The following KIF13A variants were observed in gnomAD, a reference collection of about 807,000 sequenced individuals.
KIF13A encodes kinesin-like protein KIF13A.
In KIF13A, 79 loss-of-function variants were observed where a neutral mutation model predicts 212.2. The observed-to-expected ratio is 0.37, with a 90% CI of 0.31 to 0.45. The LOEUF is 0.45. Ranked by LOEUF, KIF13A falls within the 20% of genes least tolerant of loss-of-function variation. KIF13A has a pLI of 1.00. For synonymous variants in KIF13A, 789 were observed against 808.6 expected, an observed-to-expected ratio of 0.98 and a Z score of 0.41; for missense variants, 1,901 against 2,209.0, an observed-to-expected ratio of 0.86 and a Z score of 2.79.
intron 4 of KIF13A, among the ~76,000 whole-genome samples, chr6:17,862,476 C>T (rs1019758203): frequency 6.6e-6 from 1 of 151,964 alleles, no homozygotes; most frequent in East Asian, 1.9e-4. Context: ...TTCATTTTTG[C>T]AACAATTTTG....
chr6:17,804,362 T>C lies in KIF13A; in HGVS notation c.2453A>G (p.Glu818Gly). 1.3e-6 allele frequency: 2 copies of C among 1,536,200 alleles called. No homozygotes were observed. Among genetic ancestry groups the C allele is most frequent in the African/African-American group, 1.4e-5 (1 of 72,824 alleles). Residue 818 changes from glutamate (E) to glycine (G), a missense_variant and splice_region_variant, in exon 20 of 39, where the codon GAG becomes GGG. Glu to Gly is a moderately conservative substitution (Grantham distance 98, BLOSUM62 -2). This residue lies in a region of KIF13A where 534 missense variants were observed against 536.9 expected (regional missense o/e 0.99). Coordinates refer to ENST00000259711, the MANE Select transcript of KIF13A (RefSeq NM_022113.6). The stretch of plus-strand genomic sequence containing the variant: ...TCTCCAAGGCTGGCCTGTGCTTACC[T>C]CCCCCTGCTGGCTGATGATAGGGAC... ...YAVPIISQQG[E>G]VAGRLHVEVM...
Position 17,804,720 on chromosome 6 carries a change from C to T in KIF13A, c.2305-210G>A, listed in dbSNP as rs188010789. Among the ~76,000 whole-genome samples, 12 of 141,164 alleles carry T rather than the reference C, an allele frequency of 8.5e-5. No homozygotes were observed. The East Asian group carries it at 1.3e-3, about 15-fold the overall frequency. The allele number at this position is 141,164 out of a possible 152,430, so 92.6% of individuals were successfully genotyped here. On this transcript the variant is annotated intron_variant, in intron 19 of 38. Coordinates refer to ENST00000259711, the MANE Select transcript of KIF13A (RefSeq NM_022113.6). ...CCCACCTACTCAGGAGGCTGGGGCA[C>T]GAGAATCGCTTGAACCCAGGAGACA... is the stretch of plus-strand genomic sequence containing the variant.
At chr6:17,978,188 G>A (rs1023531390) in intron 2 of KIF13A, among the ~76,000 whole-genome samples, 2 of 152,124 alleles carry the variant, frequency 1.3e-5, no homozygotes, top group African/African-American at 4.8e-5. Context: ...TTAATCTTAG[G>A]TCTACAATCG....
At position 17,888,200 on chromosome 6, in the gene KIF13A, T is replaced by C. The variant is rs1242709944; in HGVS notation, c.159+9968A>G. ...TAGATTATAGTATATCTAATCTTCC[T>C]TATCATGTTATGAATTCTAGAAAAC... is the stretch of plus-strand genomic sequence containing the variant. On this transcript the variant is annotated intron_variant, in intron 3 of 38. Transcript: ENST00000259711. This position sits in a 1 kb window ranked among gnomAD's most constrained non-coding sequence, Gnocchi z 4.8. Among the ~76,000 whole-genome samples, 1 of 152,194 alleles carries C rather than the reference T, an allele frequency of 6.6e-6. No individual in the cohort carries two copies. Among genetic ancestry groups the C allele is most frequent in the African/African-American group, 2.4e-5 (1 of 41,452 alleles).
chr6:17,780,872 T>C lies in KIF13A; in HGVS notation c.3704A>G (p.His1235Arg). The change falls in exon 31 of 39, where the codon CAT becomes CGT. Residue 1235 changes from histidine to arginine, a missense_variant. Transcript: ENST00000259711. The part of the protein sequence containing the change: ...SATASWDSSV[H>R]DSVHLNRVTP... ...GACCCTATTCAAGTGAACAGAATCA[T>C]GCACCGAGGAATCCCAAGAGGCTGT... 6.2e-7 allele frequency: 1 copy of C among 1,613,922 alleles called. No individual in the cohort carries two copies. Among genetic ancestry groups the C allele is most frequent in the Non-Finnish European group, 8.5e-7 (1 of 1,179,836 alleles).
chr6:17,942,814 C>T (rs1777064252), intron 2 of KIF13A, among the ~76,000 whole-genome samples: 1 of 151,898 alleles, frequency 6.6e-6, no homozygotes, highest in Admixed American at 6.6e-5. Flanking sequence ...CCCATCTCTA[C>T]TAAAAATACA....
chr6:17,764,197 G>A lies in KIF13A; in HGVS notation c.5331C>T (p.Leu1777=). The A allele has an allele frequency of 1.2e-6, 2 of 1,613,996 alleles. No individual in the cohort carries two copies. Among genetic ancestry groups the A allele is most frequent in the Admixed American group, 1.7e-5 (1 of 60,018 alleles). Residue 1777 remains leucine, a synonymous_variant, in exon 39 of 39, where the codon CTC becomes CTT. Transcript: ENST00000259711. This position sits in a 1 kb window ranked among gnomAD's most constrained non-coding sequence, Gnocchi z 5.1. ...TGGAATGCAGCTGGCTGGGGTGGTGGAGCCCATCGGAGACAGTCTTGCCGC... is the reference window on the plus strand; with the variant it reads ...TGGAATGCAGCTGGCTGGGGTGGTGAAGCCCATCGGAGACAGTCTTGCCGC... The part of the protein sequence containing the change: ...KTGGKTVSDG[L]HHPSQLHSKL...
At position 17,796,771 on chromosome 6, in the gene KIF13A, C is replaced by T. The variant is rs1191596184; in HGVS notation, c.2840G>A (p.Gly947Glu). The T allele has an allele frequency of 6.3e-7, 1 of 1,581,784 alleles. No individual in the cohort carries two copies. The highest frequency in any genetic ancestry group is 1.8e-5 in the Admixed American group (1 of 56,408). Residue 947 changes from glycine (G) to glutamate (E), a missense_variant, in exon 23 of 39, where the codon GGA (glycine) becomes GAA (glutamate). Coordinates refer to ENST00000259711, the MANE Select transcript of KIF13A (RefSeq NM_022113.6). The stretch of plus-strand genomic sequence containing the variant: ...GCCCCATACTTCAATGGCCAGTGCT[C>T]CATCTGAAATGAACTCCAGAAATTC... ...TEEFLEFISD[G>E]ALAIEVWGHR...
chr6:17,895,823 T>C lies in KIF13A; in HGVS notation c.159+2345A>G, dbSNP rs1024440909. Among the ~76,000 whole-genome samples the C allele has an allele frequency of 2.0e-5, 3 of 152,190 alleles. No homozygotes were observed. The highest frequency in any genetic ancestry group is 7.2e-5 in the African/African-American group (3 of 41,458). The stretch of plus-strand genomic sequence containing the variant: ...TATCTCCAGTGCCTTCAAGCACAAG[T>C]TTTTAATATTTTGTCCAGTCCTAGT... On this transcript the variant is annotated intron_variant, in intron 3 of 38. Transcript: ENST00000259711. This position sits in a 1 kb window ranked among gnomAD's most constrained non-coding sequence, Gnocchi z 4.4.
intron 2 of KIF13A, among the ~76,000 whole-genome samples, chr6:17,910,314 C>T (rs1983575): frequency 0.74 from 112,989 of 152,144 alleles, 42,363 homozygotes; most frequent in South Asian, 0.84. Flanking sequence ...CTAGAAGTAC[C>T]GTCTCATGAC....
chr6:17,983,578 C>T (rs1349848664), intron 2 of KIF13A, among the ~76,000 whole-genome samples: 1 of 151,898 alleles, frequency 6.6e-6, no homozygotes, highest in Non-Finnish European at 1.5e-5. Flanking sequence ...CGGCAACCTC[C>T]ATCGCCAAGG....
chr6:17,786,346 C>G lies in KIF13A; in HGVS notation c.3362-705G>C, dbSNP rs1479186015. ...GGGCACGGTGGCTCACGGCTGTAAC[C>G]CCAGCACTTTTGGAGGCCGAGGTGG... is the stretch of plus-strand genomic sequence containing the variant. On this transcript the variant is annotated intron_variant, in intron 27 of 38. Coordinates refer to ENST00000259711, the MANE Select transcript of KIF13A (RefSeq NM_022113.6). The surrounding 1 kb of genome is among the most constrained non-coding windows in gnomAD (Gnocchi z 5.4). 6.6e-6 allele frequency among the ~76,000 whole-genome samples: 1 copy of G among 152,094 alleles called. No individual in the cohort carries two copies. The highest frequency in any genetic ancestry group is 6.6e-5 in the Admixed American group (1 of 15,254).
At chr6:17,905,924 T>C (rs1216732900) in intron 2 of KIF13A, among the ~76,000 whole-genome samples, 1 of 152,196 alleles carries the variant, frequency 6.6e-6, no homozygotes, top group East Asian at 1.9e-4. Context: ...GAACTGTAGT[T>C]TGGAGATAAG....
chr6:17,931,655 G>A (rs571692509), intron 2 of KIF13A, among the ~76,000 whole-genome samples: 2 of 152,210 alleles, frequency 1.3e-5, no homozygotes, highest in East Asian at 3.9e-4. Flanking sequence ...CTGGTAAGTG[G>A]GACTTCAGGC....
rs755656495 is a variant in KIF13A at position 17,826,137 on chromosome 6, G to A, written c.1533-13C>T. 19 of 1,606,180 alleles carry A rather than the reference G, an allele frequency of 1.2e-5. No individual in the cohort carries two copies. Among genetic ancestry groups the A allele is most frequent in the African/African-American group, 2.7e-5 (2 of 74,798 alleles). The stretch of plus-strand genomic sequence containing the variant: ...GTTCACACAGGACCTGGGAGAACAC[G>A]AGGGAAAATACCAGGTAAATGGGAA... On this transcript the variant is annotated splice_polypyrimidine_tract_variant and intron_variant, in intron 14 of 38. Coordinates refer to ENST00000259711, the MANE Select transcript of KIF13A (RefSeq NM_022113.6). The surrounding 1 kb of genome is among the most constrained non-coding windows in gnomAD (Gnocchi z 4.7).
Position 17,872,879 on chromosome 6 carries a change from G to A in KIF13A, c.220+498C>T, listed in dbSNP as rs1003296306. ...TTGAACTCCTGACCTCAAGTGATCC[G>A]CCCACCTCGGCCTCCCAAAGTGCTG... is the stretch of plus-strand genomic sequence containing the variant. On this transcript the variant is annotated intron_variant, in intron 4 of 38. Coordinates refer to ENST00000259711, the MANE Select transcript of KIF13A (RefSeq NM_022113.6). This position sits in a 1 kb window ranked among gnomAD's most constrained non-coding sequence, Gnocchi z 4.7. Among the ~76,000 whole-genome samples the A allele has an allele frequency of 8.6e-5, 13 of 151,930 alleles. No homozygotes were observed. Among genetic ancestry groups the A allele is most frequent in the Admixed American group, 2.6e-4 (4 of 15,238 alleles).
chr6:17,902,221 A>G (rs1225761474), intron 2 of KIF13A, among the ~76,000 whole-genome samples: 2 of 152,176 alleles, frequency 1.3e-5, no homozygotes, highest in Non-Finnish European at 1.5e-5. Flanking sequence ...GCATTTCACT[A>G]ACACTTGCCT....
Position 17,951,112 on chromosome 6 carries a change from T to C in KIF13A, c.146+35942A>G. 1 of 1,162,884 alleles carries C rather than the reference T, an allele frequency of 8.6e-7. No homozygotes were observed. Among genetic ancestry groups the C allele is most frequent in the Non-Finnish European group, 1.1e-6 (1 of 945,486 alleles). The allele number at this position is 1,162,884 out of a possible 1,614,324, so 72.0% of individuals were successfully genotyped here. ...ATATAACACTTTGCCAACCATCCAT[T>C]TATTCATATGTGGGGTCTGATGCAA... On this transcript the variant is annotated intron_variant, in intron 2 of 38. Coordinates refer to ENST00000259711, the MANE Select transcript of KIF13A (RefSeq NM_022113.6). This position sits in a 1 kb window ranked among gnomAD's most constrained non-coding sequence, Gnocchi z 4.9.
chr6:17,800,161 G>A, intron 20 of KIF13A, 48 bp from the exon 21 acceptor site: 1 of 1,573,114 alleles, frequency 6.4e-7, no homozygotes. Flanking sequence ...CATCCTGTGG[G>A]CAACCTCGAC....
Sources: gnomAD v4.1 joint callset for allele counts (sites outside exome capture counted in the v4.1 genomes callset) on GRCh38, gnomAD v4.1.1 for gene constraint, gnomAD v4.1.1 regional missense constraint, Gnocchi (gnomAD v3.1) non-coding constraint, MANE v1.5 for transcripts, NCBI Gene and HGNC (gene_info 2026-07-23, HGNC 2026-07-21) for gene names.